The following DDX42 variants were observed in gnomAD, a reference collection of about 807,000 sequenced individuals.
DDX42 encodes ATP-dependent RNA helicase DDX42.
Under a neutral mutation model 101.5 loss-of-function variants are expected in DDX42, and 22 were observed. The ratio of observed to expected loss-of-function variants is 0.22; its 90% CI spans 0.15 to 0.31. The LOEUF (loss-of-function observed/expected upper bound fraction) is 0.31, where lower values mean the gene tolerates loss of function less well. Ranked by LOEUF, DDX42 falls within the 10% of genes least tolerant of loss-of-function variation. DDX42 has a pLI of 1.00. For synonymous variants in DDX42, 402 were observed against 401.2 expected (o/e 1.00, Z -0.02); for missense variants, 849 against 1,199.9 (o/e 0.71, Z 4.32).
intron 4 of DDX42, 101 bp downstream of exon 4, chr17:63,798,200 A>T: frequency 1.0e-6 from 1 of 1,003,074 alleles, no homozygotes; most frequent in Admixed American, 2.2e-5. Context: ...ATTGACGTAC[A>T]CTTGTGTACT....
chr17:63,808,013 CACAA>C (rs1318417382), intron 9 of DDX42, 113 bp downstream of exon 9: 1 of 955,704 alleles, frequency 1.0e-6, no homozygotes, highest in African/African-American at 1.7e-5. Flanking sequence ...ATAAGATACA[CACAA>C]AATTGATTAT....
In DDX42 at chr17:63,817,711, C is replaced by T. The variant is rs773593890; in HGVS notation, c.2130C>T (p.His710=). The part of the protein sequence containing the change: ...KAAFQSQYKS[H]FVAASLSNQK... ...TCTTTCAGTCACAGTACAAGAGTCA[C>T]TTTGTTGCAGCCAGTTTAAGTAATC... The change falls in exon 18 of 18, where the codon CAC becomes CAT. Residue 710 remains histidine, a synonymous_variant. Coordinates refer to ENST00000389924, the MANE Select transcript of DDX42 (RefSeq NM_203499.3). 1.2e-6 allele frequency: 2 copies of T among 1,614,196 alleles called. No individual in the cohort carries two copies. The highest frequency in any genetic ancestry group is 8.5e-7 in the Non-Finnish European group (1 of 1,180,026).
intron 6 of DDX42, among the ~76,000 whole-genome samples, chr17:63,803,313 G>C (rs910220393): frequency 6.6e-6 from 1 of 151,704 alleles, no homozygotes. Flanking sequence ...AAAGGGCTGG[G>C]TGCGGTGGCT....
intron 2 of DDX42, among the ~76,000 whole-genome samples, chr17:63,791,937 C>T (rs1384742160): frequency 2.0e-5 from 3 of 151,696 alleles, no homozygotes; most frequent in African/African-American, 4.8e-5. Context: ...ATCCCAGCTA[C>T]TAGGGAGGGC....
At chr17:63,804,590 C>T (rs1258872982) in intron 6 of DDX42, among the ~76,000 whole-genome samples, 1 of 152,210 alleles carries the variant, frequency 6.6e-6, no homozygotes, top group African/African-American at 2.4e-5. Context: ...GAAATATCTT[C>T]TCTGTCCTCT....
intron 2 of DDX42, among the ~76,000 whole-genome samples, chr17:63,788,680 A>G (rs1345787684): frequency 2.6e-5 from 4 of 152,154 alleles, no homozygotes; most frequent in Admixed American, 2.6e-4. Context: ...CATTTTTCCC[A>G]TAGTTCTCAT....
chr17:63,817,043 G>C, intron 17 of DDX42, 77 bp downstream of exon 17: 1 of 1,285,446 alleles, frequency 7.8e-7, no homozygotes, highest in South Asian at 1.3e-5. Flanking sequence ...AGTTTTCCTG[G>C]TTGTAGCTGG....
At chr17:63,787,396 T>C in intron 2 of DDX42, 126 bp downstream of exon 2, 1 of 979,628 alleles carries the variant, frequency 1.0e-6, no homozygotes, top group Admixed American at 2.7e-5. Flanking sequence ...TGTGTCTCGC[T>C]GAATTCCATT....
At chr17:63,786,801 C>T (rs140480773) in intron 1 of DDX42, among the ~76,000 whole-genome samples, 2,464 of 152,308 alleles carry the variant, frequency 0.016, 67 homozygotes, top group African/African-American at 0.055. Flanking sequence ...CCTCAGCCTC[C>T]CAAGTAGCTG....
chr17:63,784,106 A>G (rs1443174791), intron 1 of DDX42, among the ~76,000 whole-genome samples: 2 of 152,110 alleles, frequency 1.3e-5, no homozygotes, highest in Non-Finnish European at 1.5e-5. Flanking sequence ...AAACTAAGCA[A>G]ACAACTAAGT....
Position 63,817,915 on chromosome 17 carries a change from C to G in DDX42, c.2334C>G (p.Thr778=). The G allele has an allele frequency of 1.2e-6, 2 of 1,614,196 alleles. No individual in the cohort carries two copies. Among genetic ancestry groups the G allele is most frequent in the East Asian group, 2.2e-5 (1 of 44,874 alleles). Residue 778 remains threonine (T), a synonymous_variant, in exon 18 of 18, where the codon ACC becomes ACG. Coordinates refer to ENST00000389924, the MANE Select transcript of DDX42 (RefSeq NM_203499.3). ...GCAACATCAGTGGTGCCCCTGTGAC[C>G]TACCCGTCTGCCGGAGCCCAAGGAG... ...NTGNISGAPV[T]YPSAGAQGVN... is the part of the protein sequence containing the mutation.
At chr17:63,783,263 T>C (rs2039510115) in intron 1 of DDX42, among the ~76,000 whole-genome samples, 1 of 152,230 alleles carries the variant, frequency 6.6e-6, no homozygotes, top group African/African-American at 2.4e-5. Flanking sequence ...ATATACCACC[T>C]GACCTTCTCA....
At chr17:63,794,526 C>T (rs1238568657) in intron 3 of DDX42, among the ~76,000 whole-genome samples, 1 of 151,914 alleles carries the variant, frequency 6.6e-6, no homozygotes, top group African/African-American at 2.4e-5. Flanking sequence ...AAACCAAAAA[C>T]TATCACTTTA....
chr17:63,798,831 A>G (rs571825557), intron 4 of DDX42, among the ~76,000 whole-genome samples: 2 of 152,210 alleles, frequency 1.3e-5, no homozygotes, highest in Admixed American at 1.3e-4. Flanking sequence ...TTTCTGTTCC[A>G]TATGGAGATT....
intron 15 of DDX42, among the ~76,000 whole-genome samples, chr17:63,814,704 T>TTTTTTTTTTTTTTTA (rs1422811403): frequency 6.7e-6 from 1 of 150,292 alleles, no homozygotes; most frequent in Non-Finnish European, 1.5e-5. Flanking sequence ...TTTTTCTTTT[T>TTTTTTTTTTTTTTTA]TCTGAGATGG....
intron 2 of DDX42, among the ~76,000 whole-genome samples, chr17:63,787,820 G>A (rs1598325607): frequency 1.3e-5 from 2 of 151,262 alleles, no homozygotes; most frequent in East Asian, 1.9e-4. Context: ...CAACCTGGGC[G>A]ACAGAGCAAG....
intron 1 of DDX42, chr17:63,775,017 A>G (rs1407560153): frequency 2.0e-5 from 3 of 152,646 alleles, no homozygotes; most frequent in Middle Eastern, 3.2e-3. Context: ...CCCCACTCCT[A>G]TAGGCAGTTA....
chr17:63,807,489 T>C (rs768311256), intron 8 of DDX42, among the ~76,000 whole-genome samples: 1 of 152,208 alleles, frequency 6.6e-6, no homozygotes, highest in Non-Finnish European at 1.5e-5. Context: ...TTCTGTTCTG[T>C]AAGTGGTGGC....
Position 63,774,246 on chromosome 17 carries a change from C to CGGT in DDX42, c.-145_-144insTGG, listed in dbSNP as rs1555717987. The CGGT allele has an allele frequency of 1.9e-4, 25 of 134,050 alleles. 1 individual carries two copies. In the South Asian group the frequency reaches 0.011, roughly 58 times the overall value. The allele number at this position is 134,050 out of a possible 1,614,324, so 8.3% of individuals were successfully genotyped here. On this transcript the variant is annotated 5_prime_UTR_variant, in exon 1 of 18. Transcript: ENST00000389924. ...GTGGCGGCGGCGGTGGTGGTGGTGG[C>CGGT]GGCGGCGGCGGCGAAGGGGGCGGAG...
Sources: allele counts gnomAD v4.1 joint callset (sites outside exome capture counted in the v4.1 genomes callset), GRCh38; gene constraint gnomAD v4.1.1; transcripts MANE v1.5; gene names NCBI Gene and HGNC (gene_info 2026-07-23, HGNC 2026-07-21).